Variants in CCNJL observed in about 807,000 individuals in gnomAD.
CCNJL encodes cyclin-J-like protein.
A neutral mutation model predicts 33.4 loss-of-function variants in CCNJL; 33 were observed. The observed-to-expected ratio is 0.99, with a 90% CI of 0.75 to 1.32. The LOEUF (loss-of-function observed/expected upper bound fraction) is 1.32. CCNJL is among the 40% of genes most tolerant of loss of function. CCNJL has a pLI of 0.00. For synonymous variants in CCNJL, 227 were observed against 220.9 expected (o/e 1.03, Z -0.24); for missense variants, 512 against 499.7 (o/e 1.02, Z -0.23).
At chr5:160,295,184 A>T (rs1282608512) in intron 2 of CCNJL, among the ~76,000 whole-genome samples, 1 of 152,186 alleles carries the variant, frequency 6.6e-6, no homozygotes, top group African/African-American at 2.4e-5. Flanking sequence ...AAAACCTCAG[A>T]ATGTGACCTT....
chr5:160,275,245 T>A (rs149559478), intron 3 of CCNJL, among the ~76,000 whole-genome samples: 2,260 of 152,104 alleles, frequency 0.015, 61 homozygotes, highest in African/African-American at 0.051. Flanking sequence ...CCACCATGCC[T>A]GGCTAATTTT....
chr5:160,326,824 G>C (rs1297915256), intron 1 of CCNJL: 2 of 806,532 alleles, frequency 2.5e-6, no homozygotes, highest in Non-Finnish European at 4.3e-6. Context: ...TATGCGGATA[G>C]AAGGCTGTAT....
At chr5:160,264,089 G>A (rs1320371809) in intron 3 of CCNJL, among the ~76,000 whole-genome samples, 10 of 151,822 alleles carry the variant, frequency 6.6e-5, no homozygotes, top group Admixed American at 5.9e-4. Flanking sequence ...AGGTATATAG[G>A]CACACGCCAC....
intron 2 of CCNJL, among the ~76,000 whole-genome samples, chr5:160,282,991 A>ATATATG (rs1333480731): frequency 3.3e-5 from 2 of 59,982 alleles, no homozygotes; most frequent in African/African-American, 1.5e-4. Context: ...ATATATATAT[A>ATATATG]TATATATATA....
chr5:160,278,757 G>A (rs1762103883), intron 3 of CCNJL, among the ~76,000 whole-genome samples: 1 of 152,226 alleles, frequency 6.6e-6, no homozygotes, highest in Non-Finnish European at 1.5e-5. Flanking sequence ...CCCCCAGCGG[G>A]CCGCGATGCA....
intron 2 of CCNJL, among the ~76,000 whole-genome samples, chr5:160,281,674 G>C (rs1481596965): frequency 2.6e-5 from 4 of 152,104 alleles, no homozygotes; most frequent in Non-Finnish European, 4.4e-5. Context: ...GTTTAAGAGA[G>C]GAGTCTCCCC....
rs1023244088 is a variant in CCNJL at position 160,250,806 on chromosome 5, A to C, written c.*2572T>G. The C allele has an allele frequency of 6.6e-6, 1 of 152,240 alleles. No homozygotes were observed. The highest frequency in any genetic ancestry group is 2.4e-5 in the African/African-American group (1 of 41,466). The allele number at this position is 152,240 out of a possible 1,614,324, so 9.4% of individuals were successfully genotyped here. A position where few individuals can be genotyped will look rare whatever the true frequency, so the allele number is the denominator to read the frequency against. Reference sequence around the variant, plus strand: ...TAAAATAATAGTGCATCTTACAAAAAGCTGATCTTATGCTTGAAGAAATAT... The same window carrying C: ...TAAAATAATAGTGCATCTTACAAAACGCTGATCTTATGCTTGAAGAAATAT... On this transcript the variant is annotated 3_prime_UTR_variant, in exon 6 of 6. Transcript: ENST00000257536.
intron 3 of CCNJL, among the ~76,000 whole-genome samples, chr5:160,260,438 C>T (rs1761270676): frequency 6.6e-6 from 1 of 152,156 alleles, no homozygotes; most frequent in Non-Finnish European, 1.5e-5. Flanking sequence ...CCACTGTGGA[C>T]AACCCGAGCT....
intron 1 of CCNJL, among the ~76,000 whole-genome samples, chr5:160,334,213 C>T (rs997810101): frequency 7.9e-5 from 12 of 152,188 alleles, no homozygotes; most frequent in African/African-American, 2.9e-4. Flanking sequence ...CCACCGCTGT[C>T]ATGCCCGTGC....
intron 4 of CCNJL, among the ~76,000 whole-genome samples, chr5:160,256,938 T>G (rs76545113): frequency 8.6e-5 from 13 of 151,884 alleles, no homozygotes; most frequent in Non-Finnish European, 1.5e-4. Flanking sequence ...AAATTTTTTT[T>G]CATGATTTTC....
intron 1 of CCNJL, among the ~76,000 whole-genome samples, chr5:160,325,738 A>C (rs933961903): frequency 1.3e-5 from 2 of 152,200 alleles, no homozygotes; most frequent in East Asian, 1.9e-4. Flanking sequence ...TTTTTAACAT[A>C]AAAATCCTGA....
chr5:160,290,615 A>AT (rs1373439087), intron 2 of CCNJL, among the ~76,000 whole-genome samples: 1 of 151,876 alleles, frequency 6.6e-6, no homozygotes, highest in Non-Finnish European at 1.5e-5. Flanking sequence ...CTTCTGTGAG[A>AT]TCCCCCCCAA....
chr5:160,309,595 A>G (rs1050137525), intron 2 of CCNJL, among the ~76,000 whole-genome samples: 2 of 152,252 alleles, frequency 1.3e-5, no homozygotes, highest in Non-Finnish European at 2.9e-5. Flanking sequence ...ACAAAATGCC[A>G]GCCCTCATTC....
intron 2 of CCNJL, among the ~76,000 whole-genome samples, chr5:160,285,611 T>C (rs997483435): frequency 2.6e-5 from 4 of 152,218 alleles, no homozygotes; most frequent in Non-Finnish European, 4.4e-5. Context: ...TTGTACAATT[T>C]ACCTGTTGAA....
At chr5:160,257,272 G>A (rs1368233537) in intron 4 of CCNJL, among the ~76,000 whole-genome samples, 4 of 151,408 alleles carry the variant, frequency 2.6e-5, no homozygotes, top group East Asian at 2.0e-4. Context: ...TCAGGAGATC[G>A]AGACCATCCT....
chr5:160,307,973 T>A (rs1055219886), intron 2 of CCNJL, among the ~76,000 whole-genome samples: 1 of 152,174 alleles, frequency 6.6e-6, no homozygotes, highest in Non-Finnish European at 1.5e-5. Context: ...GGGGTCTCAC[T>A]CCTGGTTCCC....
intron 2 of CCNJL, among the ~76,000 whole-genome samples, chr5:160,301,981 C>T (rs1188101474): frequency 6.6e-6 from 1 of 152,132 alleles, no homozygotes; most frequent in East Asian, 1.9e-4. Flanking sequence ...CCACCCACCT[C>T]GGCCTCCCAA....
In CCNJL at chr5:160,289,922, C is replaced by T. The variant is rs542826282; in HGVS notation, c.67-9184G>A. Among the ~76,000 whole-genome samples, 13 of 152,336 alleles carry T rather than the reference C, an allele frequency of 8.5e-5. No individual in the cohort carries two copies. The East Asian group carries it at 2.5e-3, about 29-fold the overall frequency. ...AAATGCAGTCACTCAAGACCCTGGGCCCACGGCCAGATGTGCAGGGCAGAG... is the reference window on the plus strand; with the variant it reads ...AAATGCAGTCACTCAAGACCCTGGGTCCACGGCCAGATGTGCAGGGCAGAG... On this transcript the variant is annotated intron_variant, in intron 2 of 5. Coordinates refer to ENST00000257536, the MANE Select transcript of CCNJL (RefSeq NM_001308173.3).
rs779239632 is a variant in CCNJL, at chr5:160,311,855, G to A, written c.66+3C>T. ...AGAGTGACAAGGGCAGGGAGGGACTGACCTTCTCGCGCAGGGTGCAGTGGA... is the reference window on the plus strand; with the variant it reads ...AGAGTGACAAGGGCAGGGAGGGACTAACCTTCTCGCGCAGGGTGCAGTGGA... On this transcript the variant is annotated splice_donor_region_variant and intron_variant, in intron 2 of 5. Coordinates refer to ENST00000257536, the MANE Select transcript of CCNJL (RefSeq NM_001308173.3). The A allele has an allele frequency of 1.2e-6, 2 of 1,613,696 alleles. No homozygotes were observed. The highest frequency in any genetic ancestry group is 1.1e-5 in the South Asian group (1 of 91,070).
Sources: allele counts gnomAD v4.1 joint callset (sites outside exome capture counted in the v4.1 genomes callset), GRCh38; gene constraint gnomAD v4.1.1; transcripts MANE v1.5; gene names NCBI Gene and HGNC (gene_info 2026-07-23, HGNC 2026-07-21).